INSYN2B: variants seen among roughly 807,000 people sequenced by gnomAD.
INSYN2B encodes the protein protein INSYN2B.
INSYN2B carries 16 observed loss-of-function variants against 41.2 expected under a neutral mutation model. The ratio of observed to expected loss-of-function variants is 0.39; its 90% CI spans 0.26 to 0.59. INSYN2B has a LOEUF of 0.59. Ranked by LOEUF, INSYN2B falls within the 20% of genes least tolerant of loss-of-function variation. The pLI, the probability that INSYN2B is intolerant of heterozygous loss-of-function variation, is 0.57. For missense variants in INSYN2B, 608 were observed against 646.4 expected (o/e 0.94, Z 0.64); for synonymous variants, 245 against 244.4 (o/e 1.00, Z -0.02).
intron 1 of INSYN2B, among the ~76,000 whole-genome samples, chr5:169,958,814 C>A (rs1581472231): frequency 1.3e-5 from 2 of 152,074 alleles, no homozygotes; most frequent in Admixed American, 1.3e-4. Context: ...TGGTTCAGGG[C>A]AAAGGGGTCT....
chr5:169,980,286 G>C lies in INSYN2B; in HGVS notation c.-928C>G, dbSNP rs563389445. 1 of 152,336 alleles carries C rather than the reference G, an allele frequency of 6.6e-6. No individual in the cohort carries two copies. The highest frequency in any genetic ancestry group is 2.1e-4 in the South Asian group (1 of 4,834). 9.4% of individuals were successfully genotyped at this position (152,336 alleles called of 1,614,324 possible). On this transcript the variant is annotated 5_prime_UTR_variant, in exon 1 of 4. Transcript: ENST00000377365. ...TACCCACATCTCTTACCTTGAAGCA[G>C]TGGAATTACCTGCAGAGGATGGTCC...
At chr5:169,879,826 A>C (rs1425069610) in intron 3 of INSYN2B, among the ~76,000 whole-genome samples, 1 of 152,214 alleles carries the variant, frequency 6.6e-6, no homozygotes, top group East Asian at 1.9e-4. Context: ...CATGAAACTC[A>C]TAGTAGACTT....
At chr5:169,870,405 C>T (rs188928807) in intron 3 of INSYN2B, among the ~76,000 whole-genome samples, 1 of 152,068 alleles carries the variant, frequency 6.6e-6, no homozygotes, top group Non-Finnish European at 1.5e-5. Flanking sequence ...AATAGATAAG[C>T]TCATGAGCAA....
rs921344543 is a variant in INSYN2B, at chr5:169,861,633, G to A, written c.*2640C>T. Among the ~76,000 whole-genome samples, 10 of 152,294 alleles carry A rather than the reference G, an allele frequency of 6.6e-5. No homozygotes were observed. Among genetic ancestry groups the A allele is most frequent in the South Asian group, 2.1e-4 (1 of 4,824 alleles). On this transcript the variant is annotated 3_prime_UTR_variant, in exon 4 of 4. Coordinates refer to ENST00000377365, the MANE Select transcript of INSYN2B (RefSeq NM_001129891.3). ...TGTAGAATATCATGGTAGATGTTACGTAATATTTTACAAAGAAGCAGTGAT... is the reference window on the plus strand; with the variant it reads ...TGTAGAATATCATGGTAGATGTTACATAATATTTTACAAAGAAGCAGTGAT...
Position 169,864,165 on chromosome 5 carries a change from C to T in INSYN2B, c.*108G>A. 9.9e-7 allele frequency: 1 copy of T among 1,011,442 alleles called. No individual in the cohort carries two copies. The allele number at this position is 1,011,442 out of a possible 1,614,324, so 62.7% of individuals were successfully genotyped here. ...CTTCTGTTTCACAGGCCAAGGGGCT[C>T]ACAGCCCAGGGCCTTTGCAAAGAAG... is the stretch of plus-strand genomic sequence containing the variant. On this transcript the variant is annotated 3_prime_UTR_variant, in exon 4 of 4. Coordinates refer to ENST00000377365, the MANE Select transcript of INSYN2B (RefSeq NM_001129891.3).
At chr5:169,952,433 C>T (rs1776700362) in intron 1 of INSYN2B, among the ~76,000 whole-genome samples, 1 of 152,158 alleles carries the variant, frequency 6.6e-6, no homozygotes, top group Non-Finnish European at 1.5e-5. Flanking sequence ...AAAGGACAAA[C>T]AGAGAAGTAG....
At chr5:169,881,243 C>T in intron 3 of INSYN2B, 125 bp downstream of exon 3, 1 of 752,718 alleles carries the variant, frequency 1.3e-6, no homozygotes, top group Non-Finnish European at 2.2e-6. Context: ...CAGATGTTAA[C>T]ATTTCATAGT....
At chr5:169,933,144 G>A (rs1051759221) in intron 1 of INSYN2B, among the ~76,000 whole-genome samples, 7 of 152,342 alleles carry the variant, frequency 4.6e-5, no homozygotes, top group Admixed American at 2.6e-4. Flanking sequence ...GGAGAAGGGT[G>A]TAGAAACTAA....
chr5:169,979,699 A>C (rs1777870897), intron 1 of INSYN2B, among the ~76,000 whole-genome samples: 1 of 152,234 alleles, frequency 6.6e-6, no homozygotes, highest in African/African-American at 2.4e-5. Flanking sequence ...TAACTTGTCC[A>C]AACTTCAGTC....
intron 1 of INSYN2B, among the ~76,000 whole-genome samples, chr5:169,889,081 C>G (rs1581364034): frequency 6.6e-6 from 1 of 152,270 alleles, no homozygotes; most frequent in Non-Finnish European, 1.5e-5. Context: ...GTCCTTACCC[C>G]TCCGCTTGAC....
At chr5:169,888,694 A>G (rs1027916501) in intron 1 of INSYN2B, among the ~76,000 whole-genome samples, 2 of 152,140 alleles carry the variant, frequency 1.3e-5, no homozygotes, top group African/African-American at 4.8e-5. Context: ...CTGACTATTG[A>G]CTTGGAACAA....
intron 3 of INSYN2B, among the ~76,000 whole-genome samples, chr5:169,870,768 G>A (rs1306729592): frequency 6.6e-6 from 1 of 152,134 alleles, no homozygotes. Flanking sequence ...AGGAAGATAG[G>A]AAGGTTGTTG....
chr5:169,883,521 T>C lies in INSYN2B; in HGVS notation c.378A>G (p.Thr126=), dbSNP rs745876931. 1.7e-5 allele frequency: 26 copies of C among 1,551,674 alleles called. 1 individual carries two copies. In the South Asian group the frequency reaches 3.1e-4, roughly 18 times the overall value. ...TGACCTGGATGGCACTTTGGGAGGC[T>C]GTTGGCATTTCCACCAGGGACTTAC... ...TASKSLVEMP[T]ASQSAIQVNG... is the part of the protein sequence containing the mutation. The change falls in exon 2 of 4, where the codon ACA becomes ACG. Residue 126 remains threonine, a synonymous_variant. Coordinates refer to ENST00000377365, the MANE Select transcript of INSYN2B (RefSeq NM_001129891.3).
At chr5:169,939,054 C>G (rs1776118922) in intron 1 of INSYN2B, among the ~76,000 whole-genome samples, 1 of 151,874 alleles carries the variant, frequency 6.6e-6, no homozygotes, top group Admixed American at 6.5e-5. Context: ...CAGGCATGCA[C>G]CACCACGCCC....
At chr5:169,977,819 T>C (rs1777769670) in intron 1 of INSYN2B, among the ~76,000 whole-genome samples, 3 of 152,148 alleles carry the variant, frequency 2.0e-5, no homozygotes, top group Non-Finnish European at 4.4e-5. Flanking sequence ...AGCTCTAAAA[T>C]GAATAGGTTT....
chr5:169,972,489 A>G (rs901047220), intron 1 of INSYN2B, among the ~76,000 whole-genome samples: 1 of 53,864 alleles, frequency 1.9e-5, no homozygotes, highest in African/African-American at 2.5e-4. Flanking sequence ...AAAATATTTC[A>G]AGGCAATGCC....
intron 1 of INSYN2B, among the ~76,000 whole-genome samples, chr5:169,973,556 G>T (rs994425143): frequency 1.2e-4 from 19 of 152,124 alleles, no homozygotes; most frequent in African/African-American, 4.6e-4. Flanking sequence ...AAAATAATTT[G>T]TCCAGAGTTC....
rs1771244578 is a variant in INSYN2B at position 169,862,171 on chromosome 5, A to G, written c.*2102T>C. Among the ~76,000 whole-genome samples, 1 of 152,238 alleles carries G rather than the reference A, an allele frequency of 6.6e-6. No homozygotes were observed. The highest frequency in any genetic ancestry group is 2.1e-4 in the South Asian group (1 of 4,836). ...AGCTCACATAATGTGGAACGTGCTA[A>G]GAGTTTATAAAGTAGGAAAGCATAT... On this transcript the variant is annotated 3_prime_UTR_variant, in exon 4 of 4. Coordinates refer to ENST00000377365, the MANE Select transcript of INSYN2B (RefSeq NM_001129891.3).
At chr5:169,954,335 CAATT>C (rs1313867637) in intron 1 of INSYN2B, among the ~76,000 whole-genome samples, 3 of 152,168 alleles carry the variant, frequency 2.0e-5, no homozygotes, top group African/African-American at 7.2e-5. Flanking sequence ...TCAAACTTAA[CAATT>C]AATGATGTTT....
Sources: gnomAD v4.1 joint callset for allele counts (sites outside exome capture counted in the v4.1 genomes callset) on GRCh38, gnomAD v4.1.1 for gene constraint, MANE v1.5 for transcripts, NCBI Gene and HGNC (gene_info 2026-07-23, HGNC 2026-07-21) for gene names.